Variants in STAG3 observed in about 807,000 individuals in gnomAD.
STAG3 encodes the protein STAG3 cohesin complex component, also known as cohesin subunit SA-3.
STAG3 carries 101 observed loss-of-function variants against 160.7 expected under a neutral mutation model. The ratio of observed to expected loss-of-function variants is 0.63; its 90% confidence interval spans 0.54 to 0.74. The LOEUF (loss-of-function observed/expected upper bound fraction) is 0.74. STAG3 is among the 30% of genes least tolerant of loss of function. STAG3 has a pLI of 0.00. For synonymous variants in STAG3, 519 were observed against 585.0 expected (o/e 0.89, Z 1.63); for missense variants, 1,188 against 1,517.4 (o/e 0.78, Z 3.61).
At chr7:100,206,674 G>C (rs756741867) in intron 29 of STAG3, among the ~76,000 whole-genome samples, 75 of 151,934 alleles carry the variant, frequency 4.9e-4, no homozygotes, top group Non-Finnish European at 9.3e-4. Context: ...GTTTCACCAT[G>C]TTGGCCAGGC....
chr7:100,217,345 C>A (rs1433185732), downstream of STAG3, among the ~76,000 whole-genome samples: 1 of 152,196 alleles, frequency 6.6e-6, no homozygotes, highest in Non-Finnish European at 1.5e-5. Context: ...CTGGCCAGGC[C>A]CAGGCCAGGC....
rs1800175383 is a variant in STAG3, at chr7:100,188,696, A to T, written c.511-116A>T. 20 of 1,199,936 alleles carry T rather than the reference A, an allele frequency of 1.7e-5. No homozygotes were observed. In the South Asian group the frequency reaches 2.6e-4, roughly 16 times the overall value. 74.3% of individuals were successfully genotyped at this position (1,199,936 alleles called of 1,614,324 possible). On this transcript the variant is annotated intron_variant, in intron 6 of 33. Transcript: ENST00000615138. ...TGCCTCTCAAATTGGGGAGAATACCAGGAAATGAGGTATAACAGATATTTT... is the reference window on the plus strand; with the variant it reads ...TGCCTCTCAAATTGGGGAGAATACCTGGAAATGAGGTATAACAGATATTTT...
At chr7:100,201,735 C>G (rs773699162) in intron 21 of STAG3, 51 bp from the exon 22 acceptor site, 8 of 1,499,918 alleles carry the variant, frequency 5.3e-6, no homozygotes, top group Admixed American at 3.3e-5. Flanking sequence ...GGCTATCTGT[C>G]TCTCCCTCTC....
At chr7:100,191,438 AGT>A (rs1221959611) in intron 8 of STAG3, among the ~76,000 whole-genome samples, 3 of 152,240 alleles carry the variant, frequency 2.0e-5, no homozygotes, top group African/African-American at 7.2e-5. Context: ...ACCATAATAA[AGT>A]GAATATTGAA....
chr7:100,216,014 C>T (rs907350155), downstream of STAG3, among the ~76,000 whole-genome samples: 5 of 152,144 alleles, frequency 3.3e-5, no homozygotes, highest in East Asian at 3.8e-4. Flanking sequence ...CAGTCCTCAC[C>T]GAGGTCCCAG....
At chr7:100,216,045 C>G (rs1445497958), downstream of STAG3, among the ~76,000 whole-genome samples, 2 of 152,172 alleles carry the variant, frequency 1.3e-5, no homozygotes, top group African/African-American at 4.8e-5. Flanking sequence ...TGTTGGCTGC[C>G]AGATTCAGTC....
At chr7:100,191,985 C>T (rs957340695) in intron 8 of STAG3, among the ~76,000 whole-genome samples, 1 of 152,220 alleles carries the variant, frequency 6.6e-6, no homozygotes, top group African/African-American at 2.4e-5. Flanking sequence ...AAACCACTTT[C>T]CTTGCTCATT....
Position 100,211,863 on chromosome 7 carries a change from A to C in STAG3, c.3587A>C (p.Gln1196Pro). ...CAGGATGAGTCAAATGAAGAACGGC[A>C]GGATACAGACATGGTGAGTAGACCA... ...EIQDESNEER[Q>P]DTDMQASSYS... is the part of the protein sequence containing the mutation. The change falls in exon 32 of 34, where the codon CAG becomes CCG. Residue 1196 changes from glutamine (Q) to proline (P), a missense_variant. Coordinates refer to ENST00000615138, the MANE Select transcript of STAG3 (RefSeq NM_001282717.2). The C allele has an allele frequency of 6.2e-7, 1 of 1,614,134 alleles. No individual in the cohort carries two copies. The highest frequency in any genetic ancestry group is 8.5e-7 in the Non-Finnish European group (1 of 1,180,016).
Position 100,198,092 on chromosome 7 carries a change from G to C in STAG3, c.1170G>C (p.Arg390=), listed in dbSNP as rs199706651. 5.6e-6 allele frequency: 9 copies of C among 1,613,868 alleles called. No homozygotes were observed. Among genetic ancestry groups the C allele is most frequent in the African/African-American group, 1.3e-5 (1 of 74,936 alleles). The change falls in exon 12 of 34, where the codon CGG becomes CGC. Residue 390 remains arginine (R), a synonymous_variant. Transcript: ENST00000615138. The part of the protein sequence containing the change: ...LELFTSRFKD[R]MVSMVMDREY... ...TGACTTTCTCCTTTCTGCAGGACCG[G>C]ATGGTTTCCATGGTCATGGACAGAG...
chr7:100,199,678 A>G (rs1323960930), intron 16 of STAG3, 34 bp downstream of exon 16: 3 of 1,487,816 alleles, frequency 2.0e-6, no homozygotes, highest in African/African-American at 2.8e-5. Context: ...TAGGTCAGCA[A>G]TACTCAGTCT....
intron 32 of STAG3, chr7:100,212,192 T>C: frequency 4.0e-6 from 1 of 249,806 alleles, no homozygotes; most frequent in South Asian, 5.5e-5. Context: ...TGGGAGGTCA[T>C]TCAGTCCAAG....
intron 13 of STAG3, 130 bp from the exon 14 acceptor site, chr7:100,198,713 C>T (rs1197450876): frequency 8.1e-6 from 10 of 1,234,138 alleles, no homozygotes; most frequent in Non-Finnish European, 1.2e-5. Context: ...TCTCGCAGCT[C>T]CTTGGGGCTT....
At chr7:100,179,719 G>C (rs1799519072) in intron 1 of STAG3, among the ~76,000 whole-genome samples, 1 of 152,068 alleles carries the variant, frequency 6.6e-6, no homozygotes, top group Non-Finnish European at 1.5e-5. Context: ...TGATGCCTTA[G>C]GTCAGCTCTT....
Position 100,199,364 on chromosome 7 carries a change from C to T in STAG3, c.1570C>T (p.Gln524Ter). The change falls in exon 15 of 34, where the codon CAG becomes TAG. Residue 524 changes from glutamine (Q) to a stop codon, truncating the protein, a stop_gained. Transcript: ENST00000615138. LOFTEE classifies it high-confidence loss of function. ...GACAAGCCTGCTGCTGGAGAAGGAC[C>T]AGAGTACGTGTCACACGGAGCCAGG... ...GLTSLLLEKD[Q>*]NLGDVQESTL... 1.2e-6 allele frequency: 2 copies of T among 1,613,586 alleles called. No individual in the cohort carries two copies. Among genetic ancestry groups the T allele is most frequent in the Non-Finnish European group, 1.7e-6 (2 of 1,179,518 alleles).
chr7:100,215,290 C>T (rs1488607310), downstream of STAG3: 4 of 152,198 alleles, frequency 2.6e-5, no homozygotes, highest in South Asian at 2.1e-4. Flanking sequence ...AGCCGTGACT[C>T]CCTGCAATCA....
intron 8 of STAG3, among the ~76,000 whole-genome samples, chr7:100,190,917 C>T (rs1294479575): frequency 6.6e-6 from 1 of 152,106 alleles, no homozygotes; most frequent in Non-Finnish European, 1.5e-5. Flanking sequence ...CCTATTTTTG[C>T]TATTTTAGTG....
At chr7:100,193,976 C>T (rs1322894667) in intron 8 of STAG3, among the ~76,000 whole-genome samples, 3 of 129,800 alleles carry the variant, frequency 2.3e-5, no homozygotes, top group Non-Finnish European at 4.7e-5. Flanking sequence ...CAGACGGAGT[C>T]TCACTTTGTT....
intron 26 of STAG3, 148 bp from the exon 27 acceptor site, chr7:100,204,479 G>A (rs553127376): frequency 6.6e-5 from 62 of 936,136 alleles, no homozygotes; most frequent in Non-Finnish European, 8.9e-5. Flanking sequence ...CAGGGGTATC[G>A]GGAGTTCCCT....
rs1352320768 is a variant in STAG3, at chr7:100,200,627, T to C, written c.1860+85T>C. 8 of 1,550,174 alleles carry C rather than the reference T, an allele frequency of 5.2e-6. No individual in the cohort carries two copies. In the African/African-American group the frequency reaches 1.1e-4, roughly 21 times the overall value. On this transcript the variant is annotated intron_variant, in intron 18 of 33. Transcript: ENST00000615138. ...GCCAGTATCTTTTTTTCCTAAGAACTTGGGTTCCAGAAAAATCAGCAAGCC... is the reference window on the plus strand; with the variant it reads ...GCCAGTATCTTTTTTTCCTAAGAACCTGGGTTCCAGAAAAATCAGCAAGCC...
Sources: gnomAD v4.1 joint callset for allele counts (sites outside exome capture counted in the v4.1 genomes callset) on GRCh38, gnomAD v4.1.1 for gene constraint, MANE v1.5 for transcripts, NCBI Gene and HGNC (gene_info 2026-07-23, HGNC 2026-07-21) for gene names.